Variants in ARMC3 observed in about 807,000 individuals in gnomAD.
ARMC3 encodes the protein armadillo repeat containing 3.
ARMC3 carries 74 observed loss-of-function variants against 90.3 expected under a neutral mutation model. That is an observed-to-expected ratio of 0.82 (90% confidence interval 0.68 to 0.99). The LOEUF is 0.99. Among genes scored for constraint, ARMC3 ranks in the 50% least tolerant of loss-of-function variants. The pLI, the probability that ARMC3 is intolerant of heterozygous loss-of-function variation, is 0.00. For missense variants in ARMC3, 958 were observed against 1,042.8 expected, an observed-to-expected ratio of 0.92 and a Z score of 1.12; for synonymous variants, 334 against 361.8, an observed-to-expected ratio of 0.92 and a Z score of 0.87.
chr10:22,991,244 A>G (rs1398071972), intron 10 of ARMC3, among the ~76,000 whole-genome samples: 1 of 152,130 alleles, frequency 6.6e-6, no homozygotes, highest in Non-Finnish European at 1.5e-5. Flanking sequence ...TTTTTTGACT[A>G]TGAAACAAAC....
chr10:22,978,223 G>A (rs112095833), intron 8 of ARMC3, among the ~76,000 whole-genome samples: 1,806 of 152,316 alleles, frequency 0.012, 29 homozygotes, highest in African/African-American at 0.041. Context: ...AAATACTTGA[G>A]ACTGGGTAAT....
intron 2 of ARMC3, among the ~76,000 whole-genome samples, chr10:22,935,104 T>G (rs1290545317): frequency 6.6e-6 from 1 of 152,246 alleles, no homozygotes. Flanking sequence ...TCGTAATGAT[T>G]AAGTATCAAG....
At chr10:22,947,214 G>C (rs1834564733) in intron 3 of ARMC3, among the ~76,000 whole-genome samples, 1 of 151,934 alleles carries the variant, frequency 6.6e-6, no homozygotes, top group Non-Finnish European at 1.5e-5. Context: ...GCTGAGGTGG[G>C]AGGACTGCTT....
intron 1 of ARMC3, among the ~76,000 whole-genome samples, chr10:22,929,094 C>T (rs1217557530): frequency 3.9e-5 from 6 of 152,026 alleles, no homozygotes; most frequent in African/African-American, 9.6e-5. Context: ...AGCGTGGTGG[C>T]GGGTACCTGT....
intron 16 of ARMC3, among the ~76,000 whole-genome samples, chr10:23,028,797 G>A (rs1412927876): frequency 6.6e-6 from 1 of 152,192 alleles, no homozygotes; most frequent in Non-Finnish European, 1.5e-5. Flanking sequence ...CTATGTATGT[G>A]CTGTTGAGGG....
At position 22,981,363 on chromosome 10, in the gene ARMC3, G is replaced by T; in HGVS notation, c.940G>T (p.Glu314Ter). The part of the protein sequence containing the change: ...YDPENRKLFH[E>*]QEVEKCLVAL... ...AGCTGAAAATAGAAAACTTTTTCAT[G>T]AACAAGAGGTTGAAAAGTGCCTTGT... The change falls in exon 9 of 19, where the codon GAA becomes TAA. Residue 314 changes from glutamate to a stop codon, truncating the protein, a stop_gained. Coordinates refer to ENST00000298032, the MANE Select transcript of ARMC3 (RefSeq NM_173081.5). LOFTEE classifies it high-confidence loss of function. 6.2e-7 allele frequency: 1 copy of T among 1,600,058 alleles called. No homozygotes were observed.
intron 8 of ARMC3, among the ~76,000 whole-genome samples, chr10:22,973,552 A>C (rs1033796536): frequency 4.0e-5 from 6 of 150,902 alleles, no homozygotes; most frequent in Non-Finnish European, 8.8e-5. Context: ...TGGAATGAAT[A>C]AATATTTTCT....
chr10:22,989,950 C>T (rs1334443887), intron 10 of ARMC3, among the ~76,000 whole-genome samples: 1 of 152,188 alleles, frequency 6.6e-6, no homozygotes, highest in Non-Finnish European at 1.5e-5. Context: ...CCCACCTGAC[C>T]TTGACTAACA....
intron 16 of ARMC3, among the ~76,000 whole-genome samples, chr10:23,010,053 CTG>C (rs1837846728): frequency 6.6e-6 from 1 of 152,036 alleles, no homozygotes; most frequent in South Asian, 2.1e-4. Flanking sequence ...GTTAGAGTCT[CTG>C]TTGCTCAATA....
At chr10:22,988,260 T>C (rs1404124165) in intron 10 of ARMC3, among the ~76,000 whole-genome samples, 2 of 152,236 alleles carry the variant, frequency 1.3e-5, no homozygotes, top group Admixed American at 1.3e-4. Flanking sequence ...TTAGAACGTA[T>C]GCCACATACA....
chr10:22,985,372 C>T (rs1395021943), intron 10 of ARMC3, among the ~76,000 whole-genome samples: 1 of 152,118 alleles, frequency 6.6e-6, no homozygotes, highest in African/African-American at 2.4e-5. Context: ...GCTCCTTTGA[C>T]CTTCGATGCA....
Position 23,008,887 on chromosome 10 carries a change from A to G in ARMC3, c.2001A>G (p.Arg667=), listed in dbSNP as rs1837779264. The G allele has an allele frequency of 6.2e-7, 1 of 1,613,900 alleles. No individual in the cohort carries two copies. The highest frequency in any genetic ancestry group is 1.3e-5 in the African/African-American group (1 of 74,908). Residue 667 remains arginine (R), a synonymous_variant, in exon 16 of 19, where the codon CGA becomes CGG. Coordinates refer to ENST00000298032, the MANE Select transcript of ARMC3 (RefSeq NM_173081.5). ...IEDKSEPASG[R]NTVLSKSATK... ...ACAAATCAGAGCCAGCTTCTGGACGAAATACTGTTCTCAGCAAAAGCGCCA... is the reference window on the plus strand; with the variant it reads ...ACAAATCAGAGCCAGCTTCTGGACGGAATACTGTTCTCAGCAAAAGCGCCA...
At chr10:22,974,953 T>G (rs1835854280) in intron 8 of ARMC3, among the ~76,000 whole-genome samples, 1 of 152,200 alleles carries the variant, frequency 6.6e-6, no homozygotes, top group Admixed American at 6.5e-5. Context: ...ACTCTCTTTT[T>G]TAAGAATCAC....
chr10:23,031,994 G>C (rs139458556), intron 17 of ARMC3, among the ~76,000 whole-genome samples: 261 of 152,230 alleles, frequency 1.7e-3, no homozygotes, highest in African/African-American at 5.9e-3. Context: ...GCTCATGCTT[G>C]TAATCCCAGT....
At chr10:22,970,415 G>C (rs1027706540) in intron 8 of ARMC3, among the ~76,000 whole-genome samples, 6 of 152,146 alleles carry the variant, frequency 3.9e-5, no homozygotes, top group Admixed American at 2.6e-4. Context: ...GAGGAGCCCA[G>C]TGCTCATGGA....
intron 2 of ARMC3, among the ~76,000 whole-genome samples, chr10:22,937,068 A>G (rs900339456): frequency 6.6e-6 from 1 of 152,016 alleles, no homozygotes; most frequent in Non-Finnish European, 1.5e-5. Context: ...ATACCCGGCT[A>G]ATTTTTGTAT....
At chr10:22,935,054 A>G (rs896757216) in intron 2 of ARMC3, among the ~76,000 whole-genome samples, 1 of 152,204 alleles carries the variant, frequency 6.6e-6, no homozygotes, top group Non-Finnish European at 1.5e-5. Flanking sequence ...ATAAAGCCAC[A>G]AGCTCTAAAT....
At chr10:23,007,368 A>G (rs1042929124) in intron 14 of ARMC3, among the ~76,000 whole-genome samples, 1 of 152,188 alleles carries the variant, frequency 6.6e-6, no homozygotes, top group African/African-American at 2.4e-5. Flanking sequence ...CTTTGAAATA[A>G]GAAGTAAATG....
At chr10:23,012,933 G>A (rs11013240) in intron 16 of ARMC3, among the ~76,000 whole-genome samples, 88,876 of 146,330 alleles carry the variant, frequency 0.61, 28,514 homozygotes, top group Non-Finnish European at 0.72. Flanking sequence ...TCTATCACCA[G>A]GCTGGAGTGC....
Sources: gnomAD v4.1 joint callset for allele counts (sites outside exome capture counted in the v4.1 genomes callset) on GRCh38, gnomAD v4.1.1 for gene constraint, MANE v1.5 for transcripts, NCBI Gene and HGNC (gene_info 2026-07-23, HGNC 2026-07-21) for gene names.